SYNE1: variants seen among roughly 807,000 people sequenced by gnomAD.
The protein encoded by SYNE1 is spectrin repeat containing nuclear envelope protein 1.
Under a neutral mutation model 1,111.0 loss-of-function variants are expected in SYNE1, and 616 were observed. That is an observed-to-expected ratio of 0.55 (90% confidence interval 0.52 to 0.59). The LOEUF is 0.59. Ranked by LOEUF, SYNE1 falls within the 20% of genes least tolerant of loss-of-function variation. The pLI, the probability that SYNE1 is intolerant of heterozygous loss-of-function variation, is 0.00. For missense variants in SYNE1, 10,006 were observed against 10,417.0 expected (o/e 0.96, Z 1.72); for synonymous variants, 3,855 against 3,825.8 (o/e 1.01, Z -0.28).
rs370794316 is a variant in SYNE1, at chr6:152,302,849, T to C, written c.17347-786A>G. ...TTGAGCAGACAAGAATGAAAAAATA[T>C]ATTATGAGAGATAGAGGTTTTAAAT... On this transcript the variant is annotated intron_variant, in intron 91 of 145. Transcript: ENST00000367255. Among the ~76,000 whole-genome samples the C allele has an allele frequency of 1.8e-4, 28 of 152,216 alleles. No individual in the cohort carries two copies. The East Asian group carries it at 4.4e-3, about 24-fold the overall frequency.
intron 41 of SYNE1, among the ~76,000 whole-genome samples, chr6:152,413,827 AC>A (rs1182874847): frequency 6.6e-6 from 1 of 152,134 alleles, no homozygotes; most frequent in Admixed American, 6.5e-5. Context: ...GATTTTCAAA[AC>A]TAAGGCTGAT....
intron 55 of SYNE1, among the ~76,000 whole-genome samples, chr6:152,385,259 T>C (rs117193878): frequency 2.1e-4 from 32 of 152,354 alleles, no homozygotes; most frequent in Non-Finnish European, 4.1e-4. Flanking sequence ...TACTCCCTTC[T>C]ATTATGTTGT....
intron 6 of SYNE1, among the ~76,000 whole-genome samples, chr6:152,512,236 T>C (rs1396578813): frequency 6.6e-6 from 1 of 152,174 alleles, no homozygotes; most frequent in Non-Finnish European, 1.5e-5. Context: ...CTATGGGATT[T>C]TTGTCTCACT....
rs1249084871 is a variant in SYNE1 at position 152,149,648 on chromosome 6, T to C, written c.24471A>G (p.Ser8157=). The change falls in exon 136 of 146, where the codon TCA becomes TCG. Residue 8157 remains serine, a synonymous_variant. Transcript: ENST00000367255. The part of the protein sequence containing the change: ...KQLKAFQQEI[S]LNHNKIEQII... ...TCTGCTCAATCTTATTGTGGTTCAG[T>C]GAAATTTCCTGCTGGAAGGCCTAGG... 1.2e-6 allele frequency: 2 copies of C among 1,614,010 alleles called. No homozygotes were observed. The highest frequency in any genetic ancestry group is 2.7e-5 in the African/African-American group (2 of 74,916).
chr6:152,215,772 G>C (rs1008694587), intron 121 of SYNE1, among the ~76,000 whole-genome samples: 1 of 152,180 alleles, frequency 6.6e-6, no homozygotes, highest in Non-Finnish European at 1.5e-5. Context: ...CTCTTTACAA[G>C]GGAGGAAAGG....
chr6:152,122,371 T>C lies in SYNE1; in HGVS notation c.*65A>G, dbSNP rs2051588656. 10 of 1,612,440 alleles carry C rather than the reference T, an allele frequency of 6.2e-6. No homozygotes were observed. Among genetic ancestry groups the C allele is most frequent in the African/African-American group, 1.3e-5 (1 of 74,920 alleles). On this transcript the variant is annotated 3_prime_UTR_variant, in exon 146 of 146. Transcript: ENST00000367255. ...GATCAAGGTCCTCTTGTTGGTAGTT[T>C]GGGATTGCTTATGACCCGATCCTCC...
rs1157990617 is a variant in SYNE1 at position 152,176,569 on chromosome 6, T to C, written c.23461-9A>G. 1 of 1,613,828 alleles carries C rather than the reference T, an allele frequency of 6.2e-7. No homozygotes were observed. Among genetic ancestry groups the C allele is most frequent in the Non-Finnish European group, 8.5e-7 (1 of 1,179,718 alleles). On this transcript the variant is annotated splice_polypyrimidine_tract_variant and intron_variant, in intron 129 of 145. Coordinates refer to ENST00000367255, the MANE Select transcript of SYNE1 (RefSeq NM_182961.4). ...ATTTCCTCTTGATAATCCTGTGTAA[T>C]AAATAGCAATCACAGAGGTCAGAAA...
intron 4 of SYNE1, among the ~76,000 whole-genome samples, chr6:152,539,374 A>T (rs900648159): frequency 6.6e-6 from 1 of 152,152 alleles, no homozygotes; most frequent in Admixed American, 6.6e-5. Flanking sequence ...TACTGTATCA[A>T]GATTAAGATT....
intron 3 of SYNE1, among the ~76,000 whole-genome samples, chr6:152,579,079 CTTTTT>C (rs34017315): frequency 6.6e-6 from 1 of 152,096 alleles, no homozygotes; most frequent in Admixed American, 6.6e-5. Context: ...AAGAGTATTT[CTTTTT>C]TTAAGTCATA....
At chr6:152,270,726 T>G (rs1340173590) in intron 98 of SYNE1, among the ~76,000 whole-genome samples, 2 of 151,636 alleles carry the variant, frequency 1.3e-5, no homozygotes. Flanking sequence ...TGGTGGGGAG[T>G]TAGACTATAA....
At chr6:152,288,398 C>T (rs2094438108) in intron 95 of SYNE1, among the ~76,000 whole-genome samples, 1 of 152,168 alleles carries the variant, frequency 6.6e-6, no homozygotes, top group African/African-American at 2.4e-5. Context: ...ACCAGCACTA[C>T]CTCATTAAAT....
chr6:152,369,872 A>G (rs1356144068), intron 59 of SYNE1, among the ~76,000 whole-genome samples: 1 of 150,892 alleles, frequency 6.6e-6, no homozygotes, highest in Non-Finnish European at 1.5e-5. Context: ...AATCTCAGCT[A>G]CTCAGGAGTC....
intron 14 of SYNE1, among the ~76,000 whole-genome samples, chr6:152,475,300 G>A (rs904084943): frequency 6.6e-6 from 1 of 152,156 alleles, no homozygotes; most frequent in Non-Finnish European, 1.5e-5. Flanking sequence ...TGAAAATGTT[G>A]TAAGTCAAAA....
intron 127 of SYNE1, among the ~76,000 whole-genome samples, chr6:152,200,262 G>A (rs2075136852): frequency 6.6e-6 from 1 of 152,144 alleles, no homozygotes. Flanking sequence ...ATTTCCAGAG[G>A]CCTCAGTTTT....
chr6:152,216,184 G>A (rs2078611223), intron 121 of SYNE1, among the ~76,000 whole-genome samples: 1 of 152,152 alleles, frequency 6.6e-6, no homozygotes, highest in African/African-American at 2.4e-5. Context: ...CTCAAATATT[G>A]AAACCAAAAT....
chr6:152,555,265 C>T (rs1375102024), intron 3 of SYNE1, among the ~76,000 whole-genome samples: 1 of 150,384 alleles, frequency 6.6e-6, no homozygotes, highest in Non-Finnish European at 1.5e-5. Flanking sequence ...GCATATATCA[C>T]ATAACATTTC....
intron 3 of SYNE1, among the ~76,000 whole-genome samples, chr6:152,588,172 C>T (rs7747755): frequency 2.2e-3 from 331 of 152,262 alleles, no homozygotes; most frequent in African/African-American, 6.7e-3. Context: ...TCATCAGATA[C>T]AGATGTCTCA....
intron 84 of SYNE1, 49 bp downstream of exon 84, chr6:152,321,189 G>T: frequency 6.2e-7 from 1 of 1,605,540 alleles, no homozygotes; most frequent in South Asian, 1.1e-5. Flanking sequence ...CAAGAGGACT[G>T]ACCCTATAAA....
In SYNE1 at chr6:152,506,027, C is replaced by G. The variant is rs1338261958; in HGVS notation, c.582-630G>C. Among the ~76,000 whole-genome samples the G allele has an allele frequency of 2.6e-5, 4 of 152,204 alleles. No homozygotes were observed. In the East Asian group the frequency reaches 7.7e-4, roughly 29 times the overall value. On this transcript the variant is annotated intron_variant, in intron 8 of 145. Coordinates refer to ENST00000367255, the MANE Select transcript of SYNE1 (RefSeq NM_182961.4). ...GCAAACAATAATTCCAATTACTCCA[C>G]CAATAAAATTGTTTTTAAGCTCCTT...
Sources: allele counts gnomAD v4.1 joint callset (sites outside exome capture counted in the v4.1 genomes callset), GRCh38; gene constraint gnomAD v4.1.1; transcripts MANE v1.5; gene names NCBI Gene and HGNC (gene_info 2026-07-23, HGNC 2026-07-21).